Variants in SLIT1 observed in about 807,000 individuals in gnomAD.
SLIT1 encodes slit homolog 1 protein.
In SLIT1, 66 loss-of-function variants were observed where a neutral mutation model predicts 186.1. The ratio of observed to expected loss-of-function variants is 0.35; its 90% CI spans 0.29 to 0.44. SLIT1 has a LOEUF of 0.44. Among genes scored for constraint, SLIT1 ranks in the 20% least tolerant of loss-of-function variants. The probability of loss-of-function intolerance (pLI) is 1.00; values close to 1 mark genes in which losing one functional copy is unlikely to be tolerated. For missense variants in SLIT1, 1,638 were observed against 2,037.4 expected (o/e 0.80, Z 3.77); for synonymous variants, 761 against 833.8 (o/e 0.91, Z 1.50).
In SLIT1 at chr10:97,006,834, G is replaced by A. The variant is rs957398955; in HGVS notation, c.3342-114C>T. 18 of 707,144 alleles carry A rather than the reference G, an allele frequency of 2.5e-5. No individual in the cohort carries two copies. Among genetic ancestry groups the A allele is most frequent in the South Asian group, 9.0e-5 (5 of 55,340 alleles). 43.8% of individuals were successfully genotyped at this position (707,144 alleles called of 1,614,324 possible). ...TCTTGGGAAAATGGATTCTTAAAGC[G>A]ACAGAAGATGCTCCTAATAAACACT... On this transcript the variant is annotated intron_variant, in intron 31 of 36. Coordinates refer to ENST00000266058, the MANE Select transcript of SLIT1 (RefSeq NM_003061.3). The surrounding 1 kb of genome is among the most constrained non-coding windows in gnomAD (Gnocchi z 4.0).
At chr10:97,119,709 T>C (rs866509279) in intron 4 of SLIT1, among the ~76,000 whole-genome samples, 1 of 150,942 alleles carries the variant, frequency 6.6e-6, no homozygotes, top group Non-Finnish European at 1.5e-5. Flanking sequence ...AGGGTCCCGG[T>C]GGACGCCCAC....
chr10:97,099,524 T>C (rs998030216), intron 4 of SLIT1, among the ~76,000 whole-genome samples: 1 of 152,194 alleles, frequency 6.6e-6, no homozygotes, highest in Non-Finnish European at 1.5e-5. Context: ...TGGGTAGGTG[T>C]CCATCTGTCT....
At chr10:97,065,922 G>T in intron 5 of SLIT1, 93 bp downstream of exon 5, 1 of 935,148 alleles carries the variant, frequency 1.1e-6, no homozygotes, top group Non-Finnish European at 1.7e-6. Flanking sequence ...CTGGCTGCCT[G>T]GACCACACGG....
chr10:97,064,523 T>C (rs1848925991), intron 6 of SLIT1, among the ~76,000 whole-genome samples: 1 of 152,076 alleles, frequency 6.6e-6, no homozygotes, highest in African/African-American at 2.4e-5. Flanking sequence ...TGGGTTGGCT[T>C]GGAAGAAAGG....
At chr10:97,034,324 CTT>C in intron 23 of SLIT1, 145 bp downstream of exon 23, 1 of 685,906 alleles carries the variant, frequency 1.5e-6, no homozygotes, top group South Asian at 1.6e-5. Flanking sequence ...TTTTCAAAGT[CTT>C]TTAGGCTCTC....
At chr10:97,153,828 T>C (rs1408443595) in intron 4 of SLIT1, 1 of 152,256 alleles carries the variant, frequency 6.6e-6, no homozygotes, top group East Asian at 1.9e-4. Context: ...AACACTGGTT[T>C]GCAGGGAAGA....
At chr10:97,110,399 G>A (rs1012177849) in intron 4 of SLIT1, among the ~76,000 whole-genome samples, 7 of 152,132 alleles carry the variant, frequency 4.6e-5, no homozygotes, top group Admixed American at 1.3e-4. Context: ...TTATTTGCAC[G>A]GAAAAACCTG....
chr10:97,100,901 G>C (rs80176786), intron 4 of SLIT1, among the ~76,000 whole-genome samples: 3,281 of 152,320 alleles, frequency 0.022, 78 homozygotes, highest in South Asian at 0.12. Flanking sequence ...GGGAGGAAAA[G>C]TGCTGCTGCG....
intron 13 of SLIT1, 136 bp from the exon 14 acceptor site, chr10:97,049,254 G>C: frequency 2.0e-6 from 2 of 1,000,626 alleles, no homozygotes; most frequent in Non-Finnish European, 2.9e-6. Context: ...GCCACGGGGG[G>C]AAAGAGAGAG....
In SLIT1 at chr10:97,037,889, C is replaced by T. The variant is rs534556826; in HGVS notation, c.2298-123G>A. 1.2e-4 allele frequency: 80 copies of T among 686,468 alleles called. 2 individuals carry two copies. In the South Asian group the frequency reaches 1.6e-3, roughly 14 times the overall value. The allele number at this position is 686,468 out of a possible 1,614,324, so 42.5% of individuals were successfully genotyped here. A position where few individuals can be genotyped will look rare whatever the true frequency, so the allele number is the denominator to read the frequency against. On this transcript the variant is annotated intron_variant, in intron 21 of 36. Coordinates refer to ENST00000266058, the MANE Select transcript of SLIT1 (RefSeq NM_003061.3). The stretch of plus-strand genomic sequence containing the variant: ...TTTCCTCTCCTCCACATAGGCCACA[C>T]GATGGGCCCAGAATCACTTATGGGA...
chr10:97,008,750 A>ATCTT (rs1848384918), intron 31 of SLIT1, among the ~76,000 whole-genome samples: 1 of 152,058 alleles, frequency 6.6e-6, no homozygotes, highest in Non-Finnish European at 1.5e-5. Flanking sequence ...ATTCAACAGA[A>ATCTT]TCTTTATCAA....
At chr10:97,078,877 C>T (rs545022907) in intron 4 of SLIT1, among the ~76,000 whole-genome samples, 7 of 152,152 alleles carry the variant, frequency 4.6e-5, no homozygotes, top group African/African-American at 1.2e-4. Context: ...GGGAATGCAC[C>T]GGGGAGTATG....
chr10:97,031,699 G>T, intron 23 of SLIT1, 22 bp from the exon 24 acceptor site: 1 of 1,544,650 alleles, frequency 6.5e-7, no homozygotes, highest in Non-Finnish European at 8.8e-7. Flanking sequence ...GGAGATGGAG[G>T]AAGGGCACTG....
At chr10:97,140,119 CT>C (rs1849742739) in intron 4 of SLIT1, among the ~76,000 whole-genome samples, 1 of 152,148 alleles carries the variant, frequency 6.6e-6, no homozygotes. Flanking sequence ...GTGGGAACAT[CT>C]CTGGCTCTGA....
intron 4 of SLIT1, among the ~76,000 whole-genome samples, chr10:97,110,287 T>G (rs1461165490): frequency 1.3e-5 from 2 of 151,964 alleles, no homozygotes; most frequent in African/African-American, 2.4e-5. Context: ...CCAAGTAGAG[T>G]TGATGCACGT....
In SLIT1 at chr10:97,022,229, TA is replaced by T. The variant is rs1297663209; in HGVS notation, c.2583-817del. ...AGTAATTTCCCTGGGGTCACACAAC[TA>T]GCTAAGGGCAGCCCCTGGATCCAGA... On this transcript the variant is annotated intron_variant, in intron 25 of 36. Transcript: ENST00000266058. The surrounding 1 kb of genome is among the most constrained non-coding windows in gnomAD (Gnocchi z 4.2). 6.6e-6 allele frequency among the ~76,000 whole-genome samples: 1 copy of T among 152,208 alleles called. No individual in the cohort carries two copies. Among genetic ancestry groups the T allele is most frequent in the African/African-American group, 2.4e-5 (1 of 41,446 alleles).
At chr10:97,011,272 G>A (rs1247559107) in intron 30 of SLIT1, 142 bp from the exon 31 acceptor site, 2 of 647,070 alleles carry the variant, frequency 3.1e-6, no homozygotes, top group Non-Finnish European at 5.4e-6. Flanking sequence ...GGATCTCCAG[G>A]AGGTCACACA....
intron 4 of SLIT1, among the ~76,000 whole-genome samples, chr10:97,093,151 G>T (rs778830603): frequency 6.6e-6 from 1 of 152,224 alleles, no homozygotes; most frequent in Non-Finnish European, 1.5e-5. Context: ...GAAGAGGGCA[G>T]TGCGGCAGCC....
chr10:97,019,162 G>A, intron 26 of SLIT1, 55 bp from the exon 27 acceptor site: 1 of 1,162,094 alleles, frequency 8.6e-7, no homozygotes, highest in Non-Finnish European at 1.3e-6. Flanking sequence ...CACAGGGCTG[G>A]GCACAGAGCA....
Sources: gnomAD v4.1 joint callset for allele counts (sites outside exome capture counted in the v4.1 genomes callset) on GRCh38, gnomAD v4.1.1 for gene constraint, Gnocchi (gnomAD v3.1) non-coding constraint, MANE v1.5 for transcripts, NCBI Gene and HGNC (gene_info 2026-07-23, HGNC 2026-07-21) for gene names.